The following GLI3 variants were observed in gnomAD, a reference collection of about 807,000 sequenced individuals.
GLI3 encodes the protein GLI family zinc finger 3.
Under a neutral mutation model 100.8 loss-of-function variants are expected in GLI3, and 20 were observed. The ratio of observed to expected loss-of-function variants is 0.20; its 90% confidence interval spans 0.14 to 0.29. The LOEUF is 0.29. Ranked by LOEUF, GLI3 falls within the 10% of genes least tolerant of loss-of-function variation. The pLI is 1.00. For synonymous variants in GLI3, 938 were observed against 860.5 expected (o/e 1.09, Z -1.58); for missense variants, 2,040 against 2,128.5 (o/e 0.96, Z 0.82).
At chr7:42,200,009 T>C (rs953806367) in intron 2 of GLI3, among the ~76,000 whole-genome samples, 3 of 152,138 alleles carry the variant, frequency 2.0e-5, no homozygotes, top group Non-Finnish European at 4.4e-5. Context: ...TGAACTGAGA[T>C]CATGCCACTG....
chr7:42,042,601 A>G (rs1784168438), intron 6 of GLI3, among the ~76,000 whole-genome samples: 1 of 152,132 alleles, frequency 6.6e-6, no homozygotes, highest in East Asian at 1.9e-4. Flanking sequence ...GAAAATCTCT[A>G]ATGTTTTAGA....
chr7:42,190,901 A>G (rs1787814423), intron 2 of GLI3, among the ~76,000 whole-genome samples: 2 of 152,188 alleles, frequency 1.3e-5, no homozygotes, highest in African/African-American at 4.8e-5. Context: ...AATAGGTCAA[A>G]GGAGAAAAAT....
At chr7:42,142,750 G>A (rs1286247746) in intron 3 of GLI3, among the ~76,000 whole-genome samples, 4 of 150,322 alleles carry the variant, frequency 2.7e-5, no homozygotes. Flanking sequence ...CTAACATGGT[G>A]AAACCCCGTC....
intron 2 of GLI3, among the ~76,000 whole-genome samples, chr7:42,213,189 T>A (rs895300606): frequency 1.3e-5 from 2 of 152,220 alleles, no homozygotes; most frequent in African/African-American, 4.8e-5. Context: ...GAATTTTACA[T>A]AATGAAACAA....
chr7:42,060,509 G>GA (rs900849294), intron 4 of GLI3, among the ~76,000 whole-genome samples: 6 of 151,396 alleles, frequency 4.0e-5, no homozygotes, highest in African/African-American at 1.2e-4. Context: ...TTGCCATGAA[G>GA]AAAAAAAATA....
chr7:42,234,708 T>C (rs1044125598), intron 1 of GLI3, among the ~76,000 whole-genome samples: 4 of 152,130 alleles, frequency 2.6e-5, no homozygotes, highest in African/African-American at 9.7e-5. Context: ...TTTCTGCTTG[T>C]GTGAAATTTC....
chr7:42,254,217 T>TAAAAA (rs3057276), intron 1 of GLI3, among the ~76,000 whole-genome samples: 3,509 of 118,404 alleles, frequency 0.03, 189 homozygotes, highest in African/African-American at 0.076. Context: ...AAAACTCCGT[T>TAAAAA]AAAAAAAAAA....
chr7:42,216,234 C>A (rs1453676634), intron 2 of GLI3, among the ~76,000 whole-genome samples: 2 of 152,174 alleles, frequency 1.3e-5, no homozygotes, highest in African/African-American at 4.8e-5. Context: ...TCTGCTGAGG[C>A]CCTCTCAGCA....
At chr7:42,130,572 A>C (rs1030124509) in intron 3 of GLI3, among the ~76,000 whole-genome samples, 5 of 152,374 alleles carry the variant, frequency 3.3e-5, no homozygotes, top group African/African-American at 1.2e-4. Context: ...GAAATTTCCC[A>C]GAGCACAGAA....
At chr7:42,006,347 C>G (rs184264237) in intron 10 of GLI3, among the ~76,000 whole-genome samples, 1 of 152,194 alleles carries the variant, frequency 6.6e-6, no homozygotes, top group East Asian at 1.9e-4. Context: ...CAGACATCTC[C>G]AAGAGTGGGA....
chr7:42,075,774 T>C (rs1165751436), intron 4 of GLI3, among the ~76,000 whole-genome samples: 1 of 152,234 alleles, frequency 6.6e-6, no homozygotes, highest in African/African-American at 2.4e-5. Context: ...ATATTATATG[T>C]GTACTTGGGC....
intron 4 of GLI3, among the ~76,000 whole-genome samples, chr7:42,056,798 A>AAAAT (rs553929567): frequency 0.021 from 3,133 of 148,482 alleles, 55 homozygotes; most frequent in Non-Finnish European, 0.03. Flanking sequence ...TAAAAATACA[A>AAAAT]AAATAAATAA....
At chr7:42,131,452 C>T (rs1245421518) in intron 3 of GLI3, among the ~76,000 whole-genome samples, 1 of 152,106 alleles carries the variant, frequency 6.6e-6, no homozygotes, top group Non-Finnish European at 1.5e-5. Context: ...AGACACATCG[C>T]CATTGGGTGA....
chr7:42,178,391 GATAC>G (rs762450704), intron 2 of GLI3, among the ~76,000 whole-genome samples: 43 of 152,188 alleles, frequency 2.8e-4, no homozygotes, highest in Non-Finnish European at 5.1e-4. Context: ...CAGGACGGCA[GATAC>G]CATGGTACTG....
intron 3 of GLI3, among the ~76,000 whole-genome samples, chr7:42,078,551 A>G (rs541223897): frequency 2.7e-4 from 41 of 152,252 alleles, no homozygotes; most frequent in African/African-American, 8.4e-4. Context: ...TGAAATGTCA[A>G]TGACTCACCG....
At chr7:41,971,209 T>C (rs750144107) in intron 13 of GLI3, among the ~76,000 whole-genome samples, 24 of 152,210 alleles carry the variant, frequency 1.6e-4, no homozygotes, top group Non-Finnish European at 2.9e-4. Context: ...CATGAATTCA[T>C]AGGCTCTCCA....
chr7:42,257,713 A>G (rs1364659708), intron 1 of GLI3, among the ~76,000 whole-genome samples: 1 of 152,142 alleles, frequency 6.6e-6, no homozygotes, highest in Non-Finnish European at 1.5e-5. Flanking sequence ...ATCAGAATCT[A>G]TAAATCTATT....
At chr7:42,180,117 C>T (rs1231772390) in intron 2 of GLI3, among the ~76,000 whole-genome samples, 4 of 152,096 alleles carry the variant, frequency 2.6e-5, no homozygotes, top group African/African-American at 4.8e-5. Context: ...GAGATAAGAA[C>T]GAGGAGTGGC....
At chr7:42,048,377 G>T in intron 5 of GLI3, 114 bp downstream of exon 5, 1 of 794,554 alleles carries the variant, frequency 1.3e-6, no homozygotes. Context: ...AGAGCACAGC[G>T]CCTGGCACAT....
Sources: gnomAD v4.1 joint callset for allele counts (sites outside exome capture counted in the v4.1 genomes callset) on GRCh38, gnomAD v4.1.1 for gene constraint, MANE v1.5 for transcripts, NCBI Gene and HGNC (gene_info 2026-07-23, HGNC 2026-07-21) for gene names.